The following MBP variants were observed in gnomAD, a reference collection of about 807,000 sequenced individuals.
MBP encodes myelin basic protein, also known as Golli-MBP.
Under a neutral mutation model 35.8 loss-of-function variants are expected in MBP, and 16 were observed. The ratio of observed to expected loss-of-function variants is 0.45; its 90% CI spans 0.30 to 0.68. The LOEUF is 0.68. MBP is among the 30% of genes least tolerant of loss of function. The pLI is 0.08. For missense variants in MBP, 380 were observed against 404.7 expected (o/e 0.94, Z 0.52); for synonymous variants, 143 against 159.6 (o/e 0.90, Z 0.78).
intron 2 of MBP, among the ~76,000 whole-genome samples, chr18:77,087,814 G>A (rs570260842): frequency 2.0e-5 from 3 of 152,168 alleles, no homozygotes; most frequent in Admixed American, 2.0e-4. Flanking sequence ...TCCCGGGGCA[G>A]CTGGGAGCAC....
chr18:77,072,961 C>A (rs914071322), intron 2 of MBP, among the ~76,000 whole-genome samples: 1 of 152,234 alleles, frequency 6.6e-6, no homozygotes, highest in South Asian at 2.1e-4. Flanking sequence ...CTGGCAGCAA[C>A]GTGTTCTTTC....
At chr18:77,130,215 C>A (rs1267707888) in intron 1 of MBP, among the ~76,000 whole-genome samples, 1 of 152,066 alleles carries the variant, frequency 6.6e-6, no homozygotes, top group African/African-American at 2.4e-5. Context: ...TGGGTACACT[C>A]ACTCATCATT....
At chr18:76,993,214 A>C (rs1297018531) in intron 4 of MBP, among the ~76,000 whole-genome samples, 1 of 152,212 alleles carries the variant, frequency 6.6e-6, no homozygotes, top group Non-Finnish European at 1.5e-5. Context: ...TGAAGCAGAC[A>C]AAATTCCTGC....
At chr18:77,074,880 T>C (rs958746151) in intron 2 of MBP, among the ~76,000 whole-genome samples, 2 of 152,206 alleles carry the variant, frequency 1.3e-5, no homozygotes, top group African/African-American at 4.8e-5. Context: ...CATGTAAAGA[T>C]CACAGCAACT....
intron 1 of MBP, chr18:77,108,441 G>T (rs537858395): frequency 6.6e-6 from 1 of 152,212 alleles, no homozygotes; most frequent in Non-Finnish European, 1.5e-5. Flanking sequence ...AGAGAGGGAG[G>T]AAGAACTGAG....
chr18:77,029,105 C>G (rs1972417248), intron 3 of MBP, among the ~76,000 whole-genome samples: 1 of 100,252 alleles, frequency 1.0e-5, no homozygotes, highest in Non-Finnish European at 2.6e-5. Context: ...CGCCACTGCA[C>G]CCCAGCCTGG....
At chr18:77,122,571 C>T (rs769096665) in intron 1 of MBP, among the ~76,000 whole-genome samples, 3 of 152,226 alleles carry the variant, frequency 2.0e-5, no homozygotes, top group Non-Finnish European at 4.4e-5. Flanking sequence ...GAGACAGAAT[C>T]TTGCTCTGTC....
At chr18:77,119,803 G>A (rs1976832643) in intron 1 of MBP, among the ~76,000 whole-genome samples, 2 of 152,210 alleles carry the variant, frequency 1.3e-5, no homozygotes, top group South Asian at 4.1e-4. Flanking sequence ...AAGTTGGGGT[G>A]CTGCGGAAGA....
intron 3 of MBP, among the ~76,000 whole-genome samples, chr18:77,025,387 C>A (rs1455095011): frequency 6.6e-6 from 1 of 152,204 alleles, no homozygotes; most frequent in Non-Finnish European, 1.5e-5. Flanking sequence ...AGGGCCCCCG[C>A]CTGCAGCCAC....
chr18:77,097,454 G>A (rs545226579), intron 2 of MBP: 2 of 152,352 alleles, frequency 1.3e-5, no homozygotes, highest in African/African-American at 4.8e-5. Flanking sequence ...TCCGCAGGAT[G>A]TTGCTGCTCT....
At chr18:77,028,971 C>A (rs891693105) in intron 3 of MBP, among the ~76,000 whole-genome samples, 2 of 110,618 alleles carry the variant, frequency 1.8e-5, no homozygotes, top group East Asian at 2.7e-4. Context: ...AGACAATGGG[C>A]GGCCAGGCAG....
intron 1 of MBP, among the ~76,000 whole-genome samples, chr18:77,111,766 C>A (rs1317044033): frequency 6.6e-6 from 1 of 152,202 alleles, no homozygotes; most frequent in Admixed American, 6.5e-5. Flanking sequence ...AGAAAACAGC[C>A]CCTCACCCCT....
chr18:77,014,755 C>A, intron 4 of MBP: 1 of 985,260 alleles, frequency 1.0e-6, no homozygotes, highest in Non-Finnish European at 1.2e-6. Context: ...GCGTGCGCTC[C>A]CCCGGGATGC....
Position 77,058,083 on chromosome 18 carries a change from C to T in MBP, c.139+8215G>A, listed in dbSNP as rs536286258. Reference sequence around the variant, plus strand: ...TCCTGACCTCGTGTTCCGCCCGCCTCGGCCTCCCAAAGTGCTGGGATTACA... The same window carrying T: ...TCCTGACCTCGTGTTCCGCCCGCCTTGGCCTCCCAAAGTGCTGGGATTACA... On this transcript the variant is annotated intron_variant, in intron 3 of 8. Transcript: ENST00000355994. Among the ~76,000 whole-genome samples the T allele has an allele frequency of 1.2e-4, 17 of 147,760 alleles. 5 individuals carry two copies. In the South Asian group the frequency reaches 2.9e-3, roughly 25 times the overall value.
At chr18:77,030,822 C>T (rs554470465) in intron 3 of MBP, among the ~76,000 whole-genome samples, 1 of 152,308 alleles carries the variant, frequency 6.6e-6, no homozygotes, top group East Asian at 1.9e-4. Context: ...ACTGAGGCTA[C>T]CGGGGCCACT....
chr18:77,068,879 G>A (rs923734075), intron 2 of MBP: 2 of 445,352 alleles, frequency 4.5e-6, no homozygotes, highest in Non-Finnish European at 9.0e-6. Flanking sequence ...CCTGGGACTG[G>A]AATAAACACT....
Position 77,124,824 on chromosome 18 carries a change from C to T in MBP, c.-26+7756G>A, listed in dbSNP as rs533153058. Among the ~76,000 whole-genome samples, 3 of 152,310 alleles carry T rather than the reference C, an allele frequency of 2.0e-5. No homozygotes were observed. The East Asian group carries it at 5.8e-4, about 29-fold the overall frequency. ...CTAGACTGCTCTTAGAGGCCCAGCTCATTATAAATCCTGGCAGCCAAGAAG... is the reference window on the plus strand; with the variant it reads ...CTAGACTGCTCTTAGAGGCCCAGCTTATTATAAATCCTGGCAGCCAAGAAG... On this transcript the variant is annotated intron_variant, in intron 1 of 8. Coordinates refer to ENST00000355994, the MANE Select transcript of MBP (RefSeq NM_001025101.2).
At chr18:77,064,226 C>T (rs867920787) in intron 3 of MBP, among the ~76,000 whole-genome samples, 1 of 152,156 alleles carries the variant, frequency 6.6e-6, no homozygotes, top group African/African-American at 2.4e-5. Context: ...GCTGGGACAT[C>T]CCATTCAAAC....
rs75828583 is a variant in MBP at position 77,023,083 on chromosome 18, C to T, written c.140-5815G>A. On this transcript the variant is annotated intron_variant, in intron 3 of 8. Transcript: ENST00000355994. The stretch of plus-strand genomic sequence containing the variant: ...CTTCCTTAAACAACAACACCACACC[C>T]TAATCTTATTGCTAGGACAATGCTG... Among the ~76,000 whole-genome samples the T allele has an allele frequency of 7.3e-3, 1,116 of 152,302 alleles. 12 individuals are homozygous for T. The highest frequency in any genetic ancestry group is 0.024 in the African/African-American group (1,013 of 41,548).
Sources: allele counts gnomAD v4.1 joint callset (sites outside exome capture counted in the v4.1 genomes callset), GRCh38; gene constraint gnomAD v4.1.1; transcripts MANE v1.5; gene names NCBI Gene and HGNC (gene_info 2026-07-23, HGNC 2026-07-21).